NBAS: variants seen among roughly 807,000 people sequenced by gnomAD.
NBAS encodes the protein NAG/BC035112 fusion.
Under a neutral mutation model 302.5 loss-of-function variants are expected in NBAS, and 219 were observed. The ratio of observed to expected loss-of-function variants is 0.72; its 90% CI spans 0.65 to 0.81. The LOEUF (loss-of-function observed/expected upper bound fraction) is 0.81, where lower values mean the gene tolerates loss of function less well. NBAS is among the 30% of genes least tolerant of loss of function. The probability of loss-of-function intolerance (pLI) is 0.00; values close to 1 mark genes in which losing one functional copy is unlikely to be tolerated. For synonymous variants in NBAS, 1,118 were observed against 1,021.6 expected, an observed-to-expected ratio of 1.09 and a Z score of -1.80; for missense variants, 2,932 against 2,841.6, an observed-to-expected ratio of 1.03 and a Z score of -0.72.
At chr2:15,494,101 G>A (rs950231938) in intron 11 of NBAS, among the ~76,000 whole-genome samples, 10 of 152,156 alleles carry the variant, frequency 6.6e-5, no homozygotes, top group Middle Eastern at 3.2e-3. Context: ...TGGGATTACA[G>A]GCATGAGCCA....
intron 42 of NBAS, among the ~76,000 whole-genome samples, chr2:15,278,348 C>T (rs1012924699): frequency 7.9e-5 from 12 of 152,256 alleles, no homozygotes; most frequent in Admixed American, 3.3e-4. Context: ...AATATGTCCC[C>T]AGTCTATAAA....
intron 38 of NBAS, among the ~76,000 whole-genome samples, chr2:15,317,810 T>C (rs1018920713): frequency 6.6e-6 from 1 of 152,150 alleles, no homozygotes; most frequent in Admixed American, 6.5e-5. Context: ...TGGAAACAAG[T>C]TGGAAAACAC....
intron 47 of NBAS, among the ~76,000 whole-genome samples, chr2:15,227,489 G>GA (rs796072259): frequency 3.9e-4 from 58 of 148,398 alleles, no homozygotes; most frequent in African/African-American, 1.1e-3. Context: ...CACAGAAACA[G>GA]AAAAAAAAAA....
the NBAS span, among the ~76,000 whole-genome samples, chr2:15,124,419 T>C: frequency 3.7e-4 from 57 of 152,164 alleles, no homozygotes; most frequent in Admixed American, 2.0e-3. Context: ...GTTTGGAAAA[T>C]TTACAGCCTG....
the NBAS span, among the ~76,000 whole-genome samples, chr2:15,127,283 A>G: frequency 5.3e-5 from 8 of 152,212 alleles, no homozygotes; most frequent in African/African-American, 1.9e-4. Flanking sequence ...ACTGACTTAG[A>G]TTTAATTGAA....
the NBAS span, among the ~76,000 whole-genome samples, chr2:14,808,007 C>A: frequency 6.6e-6 from 1 of 151,946 alleles, no homozygotes; most frequent in Non-Finnish European, 1.5e-5. Context: ...GTTTTAACAC[C>A]TTTTTTACCA....
chr2:15,335,527 G>T (rs148718806), intron 35 of NBAS, among the ~76,000 whole-genome samples: 2 of 152,160 alleles, frequency 1.3e-5, no homozygotes, highest in African/African-American at 4.8e-5. Context: ...AGCAATTCTG[G>T]TAATTATGTA....
chr2:15,177,635 GA>G (rs927081722), intron 51 of NBAS, among the ~76,000 whole-genome samples: 1 of 151,418 alleles, frequency 6.6e-6, no homozygotes, highest in East Asian at 1.9e-4. Context: ...GGGTGGGGAG[GA>G]AAAAAAATGC....
At chr2:15,231,109 G>T (rs942935141) in intron 47 of NBAS, among the ~76,000 whole-genome samples, 1 of 152,204 alleles carries the variant, frequency 6.6e-6, no homozygotes, top group Non-Finnish European at 1.5e-5. Context: ...GGGGTTAGAG[G>T]TTGTTTCTTA....
chr2:15,142,767 T>C, the NBAS span, among the ~76,000 whole-genome samples: 1 of 152,164 alleles, frequency 6.6e-6, no homozygotes. Flanking sequence ...ATAAGGAACA[T>C]TCCATGGATA....
At chr2:14,781,684 C>T in the NBAS span, among the ~76,000 whole-genome samples, 1 of 150,730 alleles carries the variant, frequency 6.6e-6, no homozygotes, top group East Asian at 2.0e-4. Context: ...CCTGAGACCT[C>T]CCTGAGAGTA....
At chr2:15,277,429 G>A (rs977775587) in intron 42 of NBAS, among the ~76,000 whole-genome samples, 4 of 152,018 alleles carry the variant, frequency 2.6e-5, no homozygotes, top group African/African-American at 7.3e-5. Context: ...ATCTGTCAGC[G>A]TCCACTCTTA....
chr2:15,555,890 T>C (rs543665366), intron 3 of NBAS, among the ~76,000 whole-genome samples: 3 of 152,238 alleles, frequency 2.0e-5, no homozygotes, highest in Non-Finnish European at 4.4e-5. Context: ...CAAGACAAGC[T>C]TGACACCTCA....
chr2:15,546,515 T>C (rs2148702239), intron 6 of NBAS, among the ~76,000 whole-genome samples: 1 of 152,240 alleles, frequency 6.6e-6, no homozygotes, highest in East Asian at 1.9e-4. Context: ...GATCATTTGA[T>C]GTCAGGATTT....
chr2:15,119,312 T>C, the NBAS span, among the ~76,000 whole-genome samples: 2 of 136,598 alleles, frequency 1.5e-5, no homozygotes, highest in African/African-American at 6.0e-5. Context: ...TCTTTTTTTT[T>C]TTTTTTTTTT....
chr2:15,174,840 T>C (rs1032422068), intron 51 of NBAS, among the ~76,000 whole-genome samples: 56 of 152,320 alleles, frequency 3.7e-4, no homozygotes, highest in Middle Eastern at 3.4e-3. Context: ...TATCTTCTCA[T>C]ACAATCATTA....
the NBAS span, among the ~76,000 whole-genome samples, chr2:15,147,752 C>A: frequency 6.6e-6 from 1 of 152,084 alleles, no homozygotes; most frequent in Admixed American, 6.5e-5. Flanking sequence ...CATCATCTCT[C>A]ATTTACGTAG....
intron 40 of NBAS, among the ~76,000 whole-genome samples, chr2:15,301,679 A>C (rs181202347): frequency 1.3e-5 from 2 of 152,374 alleles, no homozygotes; most frequent in Non-Finnish European, 2.9e-5. Context: ...ATTTACGTTC[A>C]AAACAATAGA....
intron 44 of NBAS, among the ~76,000 whole-genome samples, chr2:15,267,157 TTCTTA>T (rs1234807150): frequency 2.0e-5 from 3 of 152,232 alleles, no homozygotes; most frequent in African/African-American, 7.2e-5. Context: ...TAAATAGTAT[TTCTTA>T]TCTTATAGTT....
Sources: allele counts gnomAD v4.1 joint callset (sites outside exome capture counted in the v4.1 genomes callset), GRCh38; gene constraint gnomAD v4.1.1; transcripts MANE v1.5; gene names NCBI Gene and HGNC (gene_info 2026-07-23, HGNC 2026-07-21).